MBTD1: variants seen among roughly 807,000 people sequenced by gnomAD.
MBTD1 encodes the protein MBT domain-containing protein 1.
In MBTD1, 24 loss-of-function variants were observed where a neutral mutation model predicts 87.8. The observed-to-expected ratio is 0.27, with a 90% CI of 0.20 to 0.38. The LOEUF (loss-of-function observed/expected upper bound fraction) is 0.38, where lower values mean the gene tolerates loss of function less well. MBTD1 is among the 10% of genes least tolerant of loss of function. The pLI is 1.00. For synonymous variants in MBTD1, 237 were observed against 248.6 expected (o/e 0.95, Z 0.44); for missense variants, 436 against 760.2 (o/e 0.57, Z 5.02).
At chr17:51,188,675 C>A (rs912379867) in intron 16 of MBTD1, among the ~76,000 whole-genome samples, 1 of 151,302 alleles carries the variant, frequency 6.6e-6, no homozygotes, top group East Asian at 1.9e-4. Flanking sequence ...TAAGAGGCGG[C>A]GGCACCATTA....
At chr17:51,239,354 G>T (rs184731209) in intron 2 of MBTD1, among the ~76,000 whole-genome samples, 177 of 152,064 alleles carry the variant, frequency 1.2e-3, no homozygotes, top group African/African-American at 4.0e-3. Flanking sequence ...CTTTCTTTAA[G>T]GATGGTTATA....
intron 14 of MBTD1, among the ~76,000 whole-genome samples, 164 bp downstream of exon 14, chr17:51,193,264 T>C (rs1285588115): frequency 7.4e-6 from 1 of 134,418 alleles, no homozygotes; most frequent in East Asian, 2.1e-4. Flanking sequence ...CAAGTTTTGA[T>C]TCCTAGGTAA....
At chr17:51,197,019 T>C (rs2051149277) in intron 12 of MBTD1, among the ~76,000 whole-genome samples, 1 of 98,958 alleles carries the variant, frequency 1.0e-5, no homozygotes, top group Admixed American at 1.1e-4. Flanking sequence ...ATTTTTGTCT[T>C]TATCTATTAT....
At chr17:51,233,350 CT>C (rs1312285127) in intron 2 of MBTD1, among the ~76,000 whole-genome samples, 1 of 151,856 alleles carries the variant, frequency 6.6e-6, no homozygotes, top group African/African-American at 2.4e-5. Context: ...AAAGATGCAT[CT>C]ATAGGAAACA....
chr17:51,244,777 T>C (rs1306680787), intron 2 of MBTD1, among the ~76,000 whole-genome samples: 1 of 152,168 alleles, frequency 6.6e-6, no homozygotes, highest in East Asian at 1.9e-4. Flanking sequence ...TATCAAGATA[T>C]TCCAGGCTCA....
intron 16 of MBTD1, among the ~76,000 whole-genome samples, chr17:51,191,127 G>C (rs988482969): frequency 2.0e-5 from 3 of 151,982 alleles, no homozygotes; most frequent in African/African-American, 7.3e-5. Context: ...GTTTTATGAA[G>C]AGAGAAAGCT....
At chr17:51,260,893 G>A, upstream of MBTD1, 1 of 1,598,086 alleles carries the variant, frequency 6.3e-7, no homozygotes, top group Non-Finnish European at 8.5e-7. Context: ...AGAACGACGA[G>A]GACGCGTTGC....
chr17:51,251,911 T>C (rs9903347), intron 2 of MBTD1, among the ~76,000 whole-genome samples: 15,150 of 152,132 alleles, frequency 0.1, 1,125 homozygotes, highest in African/African-American at 0.2. Flanking sequence ...GATTACAGTG[T>C]GTGCCACAAC....
At chr17:51,219,541 T>C (rs2052765803) in intron 4 of MBTD1, among the ~76,000 whole-genome samples, 1 of 152,198 alleles carries the variant, frequency 6.6e-6, no homozygotes, top group African/African-American at 2.4e-5. Context: ...TGCCATCCAT[T>C]TGGGTACAGA....
chr17:51,190,321 T>C (rs550906496), intron 16 of MBTD1, among the ~76,000 whole-genome samples: 2 of 152,264 alleles, frequency 1.3e-5, no homozygotes, highest in Non-Finnish European at 2.9e-5. Context: ...GGTCTTGCCA[T>C]GTTACCCAGG....
intron 7 of MBTD1, among the ~76,000 whole-genome samples, chr17:51,205,918 G>A (rs1408138609): frequency 6.6e-6 from 1 of 152,134 alleles, no homozygotes; most frequent in East Asian, 1.9e-4. Context: ...AGAGTGGGAG[G>A]AGTTAAAAAT....
chr17:51,260,024 G>C lies in MBTD1; in HGVS notation c.-302C>G. ...CCCCGGATTTCCCCCCTTTAACTCG[G>C]GTGGCCCCAGGATATCAACAACATT... On this transcript the variant is annotated 5_prime_UTR_variant, in exon 1 of 17. Coordinates refer to ENST00000586178, the MANE Select transcript of MBTD1 (RefSeq NM_017643.3). The C allele has an allele frequency of 2.2e-6, 1 of 445,502 alleles. No homozygotes were observed. Among genetic ancestry groups the C allele is most frequent in the Non-Finnish European group, 3.7e-6 (1 of 270,772 alleles). The allele number at this position is 445,502 out of a possible 1,614,324, so 27.6% of individuals were successfully genotyped here. A position where few individuals can be genotyped will look rare whatever the true frequency, so the allele number is the denominator to read the frequency against.
chr17:51,227,910 C>A (rs1275453517), intron 2 of MBTD1, among the ~76,000 whole-genome samples: 1 of 151,100 alleles, frequency 6.6e-6, no homozygotes, highest in Non-Finnish European at 1.5e-5. Context: ...CAAGATTGCA[C>A]CACTGCACTC....
chr17:51,240,640 T>A (rs1165893929), intron 2 of MBTD1, among the ~76,000 whole-genome samples: 2 of 152,184 alleles, frequency 1.3e-5, no homozygotes, highest in Non-Finnish European at 2.9e-5. Flanking sequence ...TTGAACTTGA[T>A]CATCTATCTG....
rs1033152643 is a variant in MBTD1 at position 51,259,171 on chromosome 17, G to A, written c.-77C>T. 5.3e-6 allele frequency: 5 copies of A among 951,076 alleles called. 1 individual carries two copies. Among genetic ancestry groups the A allele is most frequent in the South Asian group, 1.1e-4 (2 of 18,798 alleles). 58.9% of individuals were successfully genotyped at this position (951,076 alleles called of 1,614,324 possible). A position where few individuals can be genotyped will look rare whatever the true frequency, so the allele number is the denominator to read the frequency against. ...TTGTCAGAGAGGCTGCAGAGGGGAC[G>A]GCTGCTTTGGATGACCTCTAATGTC... On this transcript the variant is annotated 5_prime_UTR_variant, in exon 2 of 17. Coordinates refer to ENST00000586178, the MANE Select transcript of MBTD1 (RefSeq NM_017643.3).
At chr17:51,247,030 G>A (rs1038607325) in intron 2 of MBTD1, among the ~76,000 whole-genome samples, 3 of 152,122 alleles carry the variant, frequency 2.0e-5, no homozygotes, top group Non-Finnish European at 4.4e-5. Flanking sequence ...ATTCTTGATT[G>A]TGGTGTTTCT....
intron 12 of MBTD1, among the ~76,000 whole-genome samples, chr17:51,196,411 A>C (rs1267134655): frequency 1.3e-5 from 2 of 151,532 alleles, no homozygotes; most frequent in African/African-American, 4.9e-5. Context: ...TTTAGTAGAG[A>C]TGGGATTTCA....
At chr17:51,201,974 T>G (rs2051518560) in intron 11 of MBTD1, 48 bp downstream of exon 11, 1 of 1,325,292 alleles carries the variant, frequency 7.5e-7, no homozygotes, top group Non-Finnish European at 1.1e-6. Context: ...CCCACAACCC[T>G]CTTTCAAACC....
chr17:51,219,082 C>A, intron 4 of MBTD1, 38 bp from the exon 5 acceptor site: 1 of 1,035,056 alleles, frequency 9.7e-7, no homozygotes, highest in South Asian at 1.4e-5. Flanking sequence ...GATTCTTTTT[C>A]ATCCCCTCAC....
Sources: allele counts gnomAD v4.1 joint callset (sites outside exome capture counted in the v4.1 genomes callset), GRCh38; gene constraint gnomAD v4.1.1; transcripts MANE v1.5; gene names NCBI Gene and HGNC (gene_info 2026-07-23, HGNC 2026-07-21).